MKLN1: variants seen among roughly 807,000 people sequenced by gnomAD.
The protein encoded by MKLN1 is muskelin.
In MKLN1, 18 loss-of-function variants were observed where a neutral mutation model predicts 99.0. The ratio of observed to expected loss-of-function variants is 0.18; its 90% CI spans 0.13 to 0.27. The LOEUF is 0.27. Among genes scored for constraint, MKLN1 ranks in the 10% least tolerant of loss-of-function variants. The pLI is 1.00. For missense variants in MKLN1, 621 were observed against 875.9 expected, an observed-to-expected ratio of 0.71 and a Z score of 3.67; for synonymous variants, 288 against 293.2, an observed-to-expected ratio of 0.98 and a Z score of 0.18.
chr7:131,221,674 ATTTTT>A (rs1162923537), intron 3 of MKLN1, among the ~76,000 whole-genome samples: 1 of 128,858 alleles, frequency 7.8e-6, no homozygotes, highest in Admixed American at 7.9e-5. Flanking sequence ...CACCCGGCTA[ATTTTT>A]TTTTTTTTTT....
At chr7:131,119,721 T>C (rs1333851356) in intron 1 of MKLN1, among the ~76,000 whole-genome samples, 9 of 152,192 alleles carry the variant, frequency 5.9e-5, no homozygotes, top group Admixed American at 5.9e-4. Context: ...CCACCAAAAC[T>C]TGGGGCTTAC....
intron 1 of MKLN1, among the ~76,000 whole-genome samples, chr7:131,366,799 G>GA (rs1800196180): frequency 6.6e-6 from 1 of 152,156 alleles, no homozygotes; most frequent in African/African-American, 2.4e-5. Flanking sequence ...GCGACAGAGT[G>GA]AAACTCCATC....
intron 1 of MKLN1, among the ~76,000 whole-genome samples, chr7:131,127,296 T>A (rs1195753853): frequency 1.3e-5 from 2 of 152,126 alleles, no homozygotes; most frequent in South Asian, 4.1e-4. Flanking sequence ...GTGTAGCCAG[T>A]GACCACTAAC....
chr7:131,478,314 G>C (rs1280708797), intron 16 of MKLN1, among the ~76,000 whole-genome samples: 3 of 152,106 alleles, frequency 2.0e-5, no homozygotes, highest in Admixed American at 1.3e-4. Flanking sequence ...TCAAATGACA[G>C]TTTTCTTTTT....
intron 1 of MKLN1, among the ~76,000 whole-genome samples, chr7:131,342,196 G>A (rs1444213164): frequency 1.3e-5 from 2 of 151,120 alleles, no homozygotes; most frequent in Admixed American, 1.3e-4. Context: ...TCAAGAAACC[G>A]TTTAATGCAT....
At chr7:131,120,124 T>TAA (rs1795339719) in intron 1 of MKLN1, among the ~76,000 whole-genome samples, 1 of 138,268 alleles carries the variant, frequency 7.2e-6, no homozygotes, top group African/African-American at 2.8e-5. Context: ...TGAGCTGAGA[T>TAA]CGTGCCACTG....
intron 8 of MKLN1, among the ~76,000 whole-genome samples, chr7:131,425,270 TTTACTC>T (rs1795325017): frequency 6.6e-6 from 1 of 150,930 alleles, no homozygotes; most frequent in Admixed American, 6.8e-5. Flanking sequence ...TGCTATTCTT[TTTACTC>T]TGTTTGAAAA....
chr7:131,251,739 G>C (rs973984372), intron 3 of MKLN1, among the ~76,000 whole-genome samples: 1 of 151,024 alleles, frequency 6.6e-6, no homozygotes, highest in Non-Finnish European at 1.5e-5. Flanking sequence ...GTGTGAACAA[G>C]ACTCACTCCA....
At chr7:131,415,044 G>A (rs907757159) in intron 8 of MKLN1, among the ~76,000 whole-genome samples, 2 of 151,718 alleles carry the variant, frequency 1.3e-5, no homozygotes, top group African/African-American at 4.8e-5. Flanking sequence ...CTAAGTGTTG[G>A]TAAGTCCATT....
chr7:131,192,096 ATGT>A lies in MKLN1; in HGVS notation c.-296-10760_-296-10758del, dbSNP rs1563247119. Among the ~76,000 whole-genome samples the A allele has an allele frequency of 3.9e-4, 32 of 81,498 alleles. 1 individual carries two copies. Among genetic ancestry groups the A allele is most frequent in the African/African-American group, 1.5e-3 (32 of 21,704 alleles). 53.5% of individuals were successfully genotyped at this position (81,498 alleles called of 152,430 possible). A position where few individuals can be genotyped will look rare whatever the true frequency, so the allele number is the denominator to read the frequency against. ...ATATATACATATATATTATATATAT[ATGT>A]ATATATATATTATATATATACGTAT... On this transcript the variant is annotated intron_variant, in intron 2 of 7. Coordinates refer to the MKLN1 transcript ENST00000416992.
chr7:131,135,935 G>A (rs958720217), intron 1 of MKLN1, among the ~76,000 whole-genome samples: 13 of 152,174 alleles, frequency 8.5e-5, no homozygotes, highest in African/African-American at 2.9e-4. Context: ...AAAAACTCCT[G>A]AGTAGAAACA....
chr7:131,214,654 C>G (rs921442633), intron 3 of MKLN1, among the ~76,000 whole-genome samples: 1 of 152,164 alleles, frequency 6.6e-6, no homozygotes. Flanking sequence ...TTAAGCCACT[C>G]TAAGTTGTAT....
intron 3 of MKLN1, among the ~76,000 whole-genome samples, chr7:131,317,290 G>C (rs1011381474): frequency 6.6e-6 from 1 of 152,124 alleles, no homozygotes; most frequent in Non-Finnish European, 1.5e-5. Context: ...AAGAGAGTGA[G>C]GGCCAATATT....
intron 1 of MKLN1, among the ~76,000 whole-genome samples, chr7:131,352,885 T>C (rs1799761088): frequency 6.6e-6 from 1 of 152,216 alleles, no homozygotes; most frequent in Admixed American, 6.5e-5. Context: ...TTTTAAACTA[T>C]GCAGCTTCCA....
At chr7:131,431,004 C>T (rs1795506565) in intron 9 of MKLN1, among the ~76,000 whole-genome samples, 1 of 152,074 alleles carries the variant, frequency 6.6e-6, no homozygotes, top group African/African-American at 2.4e-5. Context: ...AGCAGATCAC[C>T]TGAGCTCAGT....
chr7:131,417,716 C>T (rs1300073889), intron 8 of MKLN1, among the ~76,000 whole-genome samples: 3 of 151,888 alleles, frequency 2.0e-5, no homozygotes, highest in South Asian at 2.1e-4. Context: ...AACCTTTTGT[C>T]GACATTTTGA....
intron 2 of MKLN1, among the ~76,000 whole-genome samples, chr7:131,384,712 A>G (rs2116875547): frequency 6.6e-6 from 1 of 152,328 alleles, no homozygotes; most frequent in South Asian, 2.1e-4. Context: ...TTGAGGATGA[A>G]GAGAGTAACC....
At chr7:131,134,844 C>T (rs1441716423) in intron 1 of MKLN1, among the ~76,000 whole-genome samples, 1 of 152,192 alleles carries the variant, frequency 6.6e-6, no homozygotes, top group Admixed American at 6.5e-5. Flanking sequence ...TGAATGAGCA[C>T]ATCTTTCCAC....
chr7:131,251,279 C>G (rs370705849), intron 3 of MKLN1, among the ~76,000 whole-genome samples: 1 of 152,224 alleles, frequency 6.6e-6, no homozygotes, highest in Non-Finnish European at 1.5e-5. Flanking sequence ...CCTTTGAGCA[C>G]CAAAGATATT....
Sources: gnomAD v4.1 joint callset for allele counts (sites outside exome capture counted in the v4.1 genomes callset) on GRCh38, gnomAD v4.1.1 for gene constraint, MANE v1.5 for transcripts, NCBI Gene and HGNC (gene_info 2026-07-23, HGNC 2026-07-21) for gene names.